Variants in PDE12 observed in about 807,000 individuals in gnomAD.
PDE12 encodes phosphodiesterase 12.
A neutral mutation model predicts 45.4 loss-of-function variants in PDE12; 26 were observed. The ratio of observed to expected loss-of-function variants is 0.57; its 90% CI spans 0.42 to 0.79. The LOEUF (loss-of-function observed/expected upper bound fraction) is 0.79, where lower values mean the gene tolerates loss of function less well. Among genes scored for constraint, PDE12 ranks in the 30% least tolerant of loss-of-function variants. The pLI is 0.00. For missense variants in PDE12, 668 were observed against 790.0 expected (o/e 0.85, Z 1.85); for synonymous variants, 283 against 323.9 (o/e 0.87, Z 1.36).
chr3:57,594,396 T>C, the PDE12 span, among the ~76,000 whole-genome samples: 1 of 152,194 alleles, frequency 6.6e-6, no homozygotes, highest in African/African-American at 2.4e-5. Context: ...CCAGAAGCTA[T>C]TGCTTCCTAA....
At position 57,561,934 on chromosome 3, in the gene PDE12, AAAT is replaced by A; in HGVS notation, c.*1933_*1935del. 1.0e-6 allele frequency: 1 copy of A among 984,672 alleles called. No individual in the cohort carries two copies. Among genetic ancestry groups the A allele is most frequent in the Non-Finnish European group, 1.2e-6 (1 of 829,230 alleles). The allele number at this position is 984,672 out of a possible 1,614,324, so 61.0% of individuals were successfully genotyped here. A position where few individuals can be genotyped will look rare whatever the true frequency, so the allele number is the denominator to read the frequency against. On this transcript the variant is annotated 3_prime_UTR_variant, in exon 3 of 3. Transcript: ENST00000311180. ...TCGGATCTTGTTTAGAAAAAACTAT[AAAT>A]AAAAAATTGATGCTACCAAATTGTG...
the PDE12 span, chr3:57,626,015 A>T: frequency 3.9e-5 from 6 of 152,660 alleles, no homozygotes; most frequent in African/African-American, 1.4e-4. Flanking sequence ...TAAGATGACC[A>T]TTTATACCTA....
the PDE12 span, chr3:57,575,791 C>G: frequency 8.7e-7 from 1 of 1,143,604 alleles, no homozygotes; most frequent in Non-Finnish European, 1.2e-6. Flanking sequence ...CCTAATTTCT[C>G]GACACAAAGT....
chr3:57,605,248 T>C, the PDE12 span, among the ~76,000 whole-genome samples: 1 of 152,036 alleles, frequency 6.6e-6, no homozygotes, highest in African/African-American at 2.4e-5. Flanking sequence ...TAGGACAGAA[T>C]TCCAGAGAGG....
At position 57,559,779 on chromosome 3, in the gene PDE12, A is replaced by G. The variant is rs2153407502; in HGVS notation, c.1605A>G (p.Thr535=). ...GEEERCNMSL[T]HFFKLKSACG... ...AGGAAAGATGCAATATGTCTCTTACACATTTCTTCAAGCTGAAAAGTGCTT... is the reference window on the plus strand; with the variant it reads ...AGGAAAGATGCAATATGTCTCTTACGCATTTCTTCAAGCTGAAAAGTGCTT... Residue 535 remains threonine, a synonymous_variant, in exon 3 of 3, where the codon ACA becomes ACG. Coordinates refer to ENST00000311180, the MANE Select transcript of PDE12 (RefSeq NM_177966.7). 1 of 1,614,212 alleles carries G rather than the reference A, an allele frequency of 6.2e-7. No individual in the cohort carries two copies. Among genetic ancestry groups the G allele is most frequent in the Non-Finnish European group, 8.5e-7 (1 of 1,180,042 alleles).
chr3:57,595,225 A>C, the PDE12 span, among the ~76,000 whole-genome samples: 138 of 152,334 alleles, frequency 9.1e-4, 1 homozygote, highest in Middle Eastern at 3.4e-3. Flanking sequence ...ATCAATCACA[A>C]AAGACTAAGG....
the PDE12 span, among the ~76,000 whole-genome samples, chr3:57,579,095 G>A: frequency 2.6e-5 from 4 of 151,550 alleles, no homozygotes; most frequent in African/African-American, 7.2e-5. Context: ...TCAGGAGTTC[G>A]AGATCAGCCT....
chr3:57,613,316 G>T, the PDE12 span, among the ~76,000 whole-genome samples: 446 of 127,702 alleles, frequency 3.5e-3, 2 homozygotes, highest in Middle Eastern at 5.6e-3. Context: ...TTTTTTTTGA[G>T]ACAATCTTAC....
chr3:57,648,545 G>A, the PDE12 span, among the ~76,000 whole-genome samples: 1 of 152,132 alleles, frequency 6.6e-6, no homozygotes, highest in Admixed American at 6.5e-5. Context: ...CCAAAAAAGA[G>A]CCTGCATAGC....
chr3:57,570,955 G>A (rs557217096), downstream of PDE12, among the ~76,000 whole-genome samples: 5 of 149,348 alleles, frequency 3.3e-5, no homozygotes, highest in African/African-American at 9.9e-5. Context: ...TCCACATGCC[G>A]CCCCTCCCCA....
chr3:57,612,806 C>A, the PDE12 span, among the ~76,000 whole-genome samples: 1 of 148,552 alleles, frequency 6.7e-6, no homozygotes, highest in Admixed American at 6.7e-5. Flanking sequence ...TTTGAAAGAA[C>A]CCAGGAAAAA....
the PDE12 span, among the ~76,000 whole-genome samples, chr3:57,595,065 T>A: frequency 6.6e-6 from 1 of 152,310 alleles, no homozygotes; most frequent in South Asian, 2.1e-4. Flanking sequence ...AACTCCTAAA[T>A]CCTCCACACA....
chr3:57,569,798 C>T (rs1338711467), downstream of PDE12, among the ~76,000 whole-genome samples: 1 of 134,388 alleles, frequency 7.4e-6, no homozygotes, highest in Non-Finnish European at 1.5e-5. Flanking sequence ...TGCCACTGGA[C>T]TCCAGCCTGG....
downstream of PDE12, among the ~76,000 whole-genome samples, chr3:57,567,352 T>C (rs1016017007): frequency 2.0e-5 from 3 of 151,498 alleles, no homozygotes; most frequent in Non-Finnish European, 2.9e-5. Context: ...TTGAACAATA[T>C]AGAAAAATGA....
the PDE12 span, among the ~76,000 whole-genome samples, chr3:57,590,089 CAATA>C: frequency 0.24 from 33,030 of 134,870 alleles, 4,023 homozygotes; most frequent in East Asian, 0.31. Flanking sequence ...GACTCTGTCT[CAATA>C]AATAAATAAA....
At chr3:57,608,603 A>G in the PDE12 span, among the ~76,000 whole-genome samples, 1 of 151,964 alleles carries the variant, frequency 6.6e-6, no homozygotes, top group Non-Finnish European at 1.5e-5. Context: ...CTCTGATAAA[A>G]CAGACTTTAA....
At chr3:57,617,330 G>C in the PDE12 span, among the ~76,000 whole-genome samples, 1 of 151,766 alleles carries the variant, frequency 6.6e-6, no homozygotes, top group Non-Finnish European at 1.5e-5. Context: ...CTTAAGCCCG[G>C]GAGGTCAAGG....
the PDE12 span, among the ~76,000 whole-genome samples, chr3:57,599,355 G>A: frequency 1.3e-5 from 2 of 152,192 alleles, no homozygotes; most frequent in Non-Finnish European, 2.9e-5. Flanking sequence ...TTCCCAGCTT[G>A]ACTTTTCTCT....
chr3:57,632,893 A>T, the PDE12 span, among the ~76,000 whole-genome samples: 65 of 152,368 alleles, frequency 4.3e-4, no homozygotes, highest in African/African-American at 1.5e-3. Flanking sequence ...TGTATTCAAG[A>T]TAAGTATCAG....
Sources: gnomAD v4.1 joint callset for allele counts (sites outside exome capture counted in the v4.1 genomes callset) on GRCh38, gnomAD v4.1.1 for gene constraint, MANE v1.5 for transcripts, NCBI Gene and HGNC (gene_info 2026-07-23, HGNC 2026-07-21) for gene names.